Variants in SLC26A11 observed in about 807,000 individuals in gnomAD.
SLC26A11 encodes the protein solute carrier family 26 member 11.
A neutral mutation model predicts 62.2 loss-of-function variants in SLC26A11; 58 were observed. The ratio of observed to expected loss-of-function variants is 0.93; its 90% CI spans 0.76 to 1.16. The LOEUF (loss-of-function observed/expected upper bound fraction) is 1.16. Among genes scored for constraint, SLC26A11 ranks in the 50% most tolerant of loss-of-function variants. SLC26A11 has a pLI of 0.00. For synonymous variants in SLC26A11, 411 were observed against 368.9 expected, an observed-to-expected ratio of 1.11 and a Z score of -1.31; for missense variants, 790 against 794.3, an observed-to-expected ratio of 0.99 and a Z score of 0.06.
At chr17:80,250,741 C>G (rs941541678) in intron 16 of SLC26A11, among the ~76,000 whole-genome samples, 1 of 152,108 alleles carries the variant, frequency 6.6e-6, no homozygotes, top group Non-Finnish European at 1.5e-5. Context: ...GCAGGAGAAT[C>G]GCTTGAACCC....
chr17:80,241,015 G>A (rs2042845825), intron 9 of SLC26A11, among the ~76,000 whole-genome samples: 1 of 151,810 alleles, frequency 6.6e-6, no homozygotes, highest in Non-Finnish European at 1.5e-5. Context: ...TAAGGCAGGA[G>A]GATCACTTGA....
intron 9 of SLC26A11, among the ~76,000 whole-genome samples, chr17:80,238,098 C>G (rs964911733): frequency 2.0e-5 from 3 of 152,216 alleles, no homozygotes; most frequent in Non-Finnish European, 4.4e-5. Flanking sequence ...TGGCCCAGGC[C>G]TGTAATCCCA....
At chr17:80,251,257 G>A (rs569921266) in intron 16 of SLC26A11, 72 bp from the exon 17 acceptor site, 3 of 1,613,250 alleles carry the variant, frequency 1.9e-6, no homozygotes, top group Non-Finnish European at 2.5e-6. Flanking sequence ...GAGATGGCAG[G>A]TCTACCAGGC....
chr17:80,221,856 A>C, intron 3 of SLC26A11, 62 bp downstream of exon 3: 1 of 1,472,220 alleles, frequency 6.8e-7, no homozygotes, highest in Admixed American at 2.0e-5. Context: ...CACAGTATCA[A>C]TCCCAGACAC....
rs1474783893 is a variant in SLC26A11, at chr17:80,237,104, G to A, written c.912+1G>A. The A allele has an allele frequency of 1.9e-6, 3 of 1,607,400 alleles. No individual in the cohort carries two copies. The highest frequency in any genetic ancestry group is 1.1e-5 in the South Asian group (1 of 90,972). On this transcript the variant is annotated splice_donor_variant, in intron 8 of 17. Coordinates refer to ENST00000361193, the MANE Select transcript of SLC26A11 (RefSeq NM_001166347.2). LOFTEE classifies it high-confidence loss of function. ...GATCTCCTTCACCGAGATGGTGCAG[G>A]TGGGCGGAGCCGGGAGGCAGGATGG...
chr17:80,224,436 G>A (rs28433887), intron 5 of SLC26A11, among the ~76,000 whole-genome samples: 51 of 97,358 alleles, frequency 5.2e-4, no homozygotes, highest in African/African-American at 1.3e-3. Flanking sequence ...AGTGGGTGTG[G>A]GTGTGAGAGT....
intron 5 of SLC26A11, among the ~76,000 whole-genome samples, chr17:80,224,272 A>AGT (rs545615623): frequency 2.0e-3 from 220 of 110,096 alleles, no homozygotes; most frequent in African/African-American, 5.8e-3. Context: ...TGCGTGTGTG[A>AGT]GTGAGTGCGT....
In SLC26A11 at chr17:80,245,274, C is replaced by T. The variant is rs764766615; in HGVS notation, c.1097+18C>T. The T allele has an allele frequency of 2.5e-6, 4 of 1,613,406 alleles. No homozygotes were observed. The Admixed American group carries it at 6.7e-5, about 27-fold the overall frequency. ...TTTGGACGGTGAGTGACCTGTCCGC[C>T]TCTTCTGTTTGCCCACGTTGGACGC... On this transcript the variant is annotated intron_variant, in intron 11 of 17. Coordinates refer to ENST00000361193, the MANE Select transcript of SLC26A11 (RefSeq NM_001166347.2).
At position 80,246,179 on chromosome 17, in the gene SLC26A11, G is replaced by C. The variant is rs199912887; in HGVS notation, c.1123G>C (p.Val375Leu). 1.9e-6 allele frequency: 3 copies of C among 1,613,042 alleles called. No individual in the cohort carries two copies. The East Asian group carries it at 6.7e-5, about 36-fold the overall frequency. ...GRTAVNAQSG[V>L]CTPAGGLVTG... The stretch of plus-strand genomic sequence containing the variant: ...GACAGCCGTGAACGCTCAGTCGGGG[G>C]TGTGCACCCCGGCGGGGGGCCTGGT... The change falls in exon 12 of 18, where the codon GTG becomes CTG. Residue 375 changes from valine to leucine, a missense_variant. Physicochemically the swap from Val to Leu is conservative, Grantham distance 32. Transcript: ENST00000361193. The surrounding 1 kb of genome is among the most constrained non-coding windows in gnomAD (Gnocchi z 4.4).
chr17:80,246,578 C>T lies in SLC26A11; in HGVS notation c.1223C>T (p.Ala408Val), dbSNP rs1208106960. ...LFYYIPKSAL[A>V]AVIIMAVAPL... ...TACTACATCCCCAAGTCTGCCCTGGCTGCCGTCATCATCATGGCCGTGGCC... is the reference window on the plus strand; with the variant it reads ...TACTACATCCCCAAGTCTGCCCTGGTTGCCGTCATCATCATGGCCGTGGCC... The change falls in exon 13 of 18, where the codon GCT becomes GTT. Residue 408 changes from alanine (A) to valine (V), a missense_variant. Transcript: ENST00000361193. The surrounding 1 kb of genome is among the most constrained non-coding windows in gnomAD (Gnocchi z 4.4). 2 of 1,613,934 alleles carry T rather than the reference C, an allele frequency of 1.2e-6. No homozygotes were observed. The highest frequency in any genetic ancestry group is 1.3e-5 in the African/African-American group (1 of 74,948).
At chr17:80,227,675 C>T in intron 6 of SLC26A11, 143 bp from the exon 7 acceptor site, 2 of 1,109,570 alleles carry the variant, frequency 1.8e-6, no homozygotes, top group Admixed American at 4.6e-5. Context: ...GTGATACTCA[C>T]TGTGGTCTGG....
Position 80,241,768 on chromosome 17 carries a change from T to G in SLC26A11, c.986-3T>G, listed in dbSNP as rs374611374. 1.3e-4 allele frequency: 211 copies of G among 1,614,082 alleles called. No homozygotes were observed. The highest frequency in any genetic ancestry group is 1.6e-4 in the Non-Finnish European group (184 of 1,180,018). ...CCAGGTCTTTACCGTTGGTTCCCTT[T>G]AGCATCTCAGAATAATTACCGCATC... is the stretch of plus-strand genomic sequence containing the variant. On this transcript the variant is annotated splice_polypyrimidine_tract_variant and splice_region_variant and intron_variant, in intron 9 of 17. Coordinates refer to ENST00000361193, the MANE Select transcript of SLC26A11 (RefSeq NM_001166347.2).
At chr17:80,243,262 G>C (rs865963091) in intron 10 of SLC26A11, among the ~76,000 whole-genome samples, 1 of 152,204 alleles carries the variant, frequency 6.6e-6, no homozygotes, top group Non-Finnish European at 1.5e-5. Context: ...GCATTGTCCA[G>C]TTGAGTGGCG....
chr17:80,241,299 G>T, intron 9 of SLC26A11, among the ~76,000 whole-genome samples: 1 of 152,062 alleles, frequency 6.6e-6, no homozygotes, highest in East Asian at 1.9e-4. Flanking sequence ...TCACTCTGTC[G>T]CCCAGACTGG....
At chr17:80,238,637 G>A (rs929162583) in intron 9 of SLC26A11, among the ~76,000 whole-genome samples, 5 of 151,974 alleles carry the variant, frequency 3.3e-5, no homozygotes, top group Admixed American at 6.6e-5. Flanking sequence ...TCTTGTCACC[G>A]TCATTTAGTC....
Position 80,234,071 on chromosome 17 carries a change from C to A in SLC26A11, c.737-2857C>A, listed in dbSNP as rs184358942. Among the ~76,000 whole-genome samples the A allele has an allele frequency of 5.9e-5, 9 of 152,194 alleles. No individual in the cohort carries two copies. In the East Asian group the frequency reaches 1.3e-3, roughly 23 times the overall value. ...CCAGGCTGGAGTGCAGTGGCACGATCTTGGCTCACTGCAATCTCTGCCTCC... is the reference window on the plus strand; with the variant it reads ...CCAGGCTGGAGTGCAGTGGCACGATATTGGCTCACTGCAATCTCTGCCTCC... On this transcript the variant is annotated intron_variant, in intron 7 of 17. Coordinates refer to ENST00000361193, the MANE Select transcript of SLC26A11 (RefSeq NM_001166347.2).
Position 80,227,828 on chromosome 17 carries a change from G to T in SLC26A11, c.604G>T (p.Ala202Ser). 6.2e-7 allele frequency: 1 copy of T among 1,603,868 alleles called. No individual in the cohort carries two copies. The highest frequency in any genetic ancestry group is 8.5e-7 in the Non-Finnish European group (1 of 1,179,944). ...TCTGCCTGTCCACAGGGTAGGTGAC[G>T]CCGTCCTGGGGCTGGTCTGCATGCT... The part of the protein sequence containing the change: ...LRIAETRVGD[A>S]VLGLVCMLLL... The change falls in exon 7 of 18, where the codon GCC (alanine) becomes TCC (serine). Residue 202 changes from alanine (A) to serine (S), a missense_variant. Coordinates refer to ENST00000361193, the MANE Select transcript of SLC26A11 (RefSeq NM_001166347.2).
In SLC26A11 at chr17:80,222,329, C is replaced by T. The variant is rs1474168897; in HGVS notation, c.235-326C>T. 8.2e-6 allele frequency: 2 copies of T among 243,356 alleles called. No homozygotes were observed. Among genetic ancestry groups the T allele is most frequent in the South Asian group, 9.4e-5 (1 of 10,616 alleles). The allele number at this position is 243,356 out of a possible 1,614,324, so 15.1% of individuals were successfully genotyped here. A position where few individuals can be genotyped will look rare whatever the true frequency, so the allele number is the denominator to read the frequency against. On this transcript the variant is annotated intron_variant, in intron 3 of 17. Coordinates refer to ENST00000361193, the MANE Select transcript of SLC26A11 (RefSeq NM_001166347.2). This position sits in a 1 kb window ranked among gnomAD's most constrained non-coding sequence, Gnocchi z 4.7. ...AGGCGGAGCTTGCAGTGAGCCGAGA[C>T]TGTGCCACTGCCCTCCAGCCTGGGC...
chr17:80,224,240 T>TGC (rs1292989587), intron 5 of SLC26A11, among the ~76,000 whole-genome samples: 1 of 148,626 alleles, frequency 6.7e-6, no homozygotes, highest in African/African-American at 2.5e-5. Flanking sequence ...TGTGAGTGGG[T>TGC]TTGAGGGAGT....
Sources: allele counts gnomAD v4.1 joint callset (sites outside exome capture counted in the v4.1 genomes callset), GRCh38; gene constraint gnomAD v4.1.1; non-coding constraint Gnocchi (gnomAD v3.1); transcripts MANE v1.5; gene names NCBI Gene and HGNC (gene_info 2026-07-23, HGNC 2026-07-21).